NELL1: variants seen among roughly 807,000 people sequenced by gnomAD.
NELL1 encodes neural EGFL like 1.
Under a neutral mutation model 107.4 loss-of-function variants are expected in NELL1, and 76 were observed. The observed-to-expected ratio is 0.71, with a 90% CI of 0.59 to 0.86. NELL1 has a LOEUF of 0.86. Among genes scored for constraint, NELL1 ranks in the 40% least tolerant of loss-of-function variants. The pLI, the probability that NELL1 is intolerant of heterozygous loss-of-function variation, is 0.00. For synonymous variants in NELL1, 353 were observed against 341.2 expected, an observed-to-expected ratio of 1.03 and a Z score of -0.38; for missense variants, 1,024 against 1,005.5, an observed-to-expected ratio of 1.02 and a Z score of -0.25.
intron 13 of NELL1, among the ~76,000 whole-genome samples, chr11:21,143,237 T>C (rs1159785766): frequency 6.6e-6 from 1 of 152,228 alleles, no homozygotes; most frequent in Non-Finnish European, 1.5e-5. Flanking sequence ...CTAAACTGTG[T>C]GCAGCAGGAT....
intron 14 of NELL1, among the ~76,000 whole-genome samples, chr11:21,300,028 C>T (rs1362475256): frequency 6.6e-6 from 1 of 151,846 alleles, no homozygotes; most frequent in Non-Finnish European, 1.5e-5. Flanking sequence ...ACAATGATCA[C>T]GTAAACACAC....
intron 9 of NELL1, among the ~76,000 whole-genome samples, chr11:20,936,182 A>G (rs1590435341): frequency 6.6e-6 from 1 of 152,130 alleles, no homozygotes; most frequent in Non-Finnish European, 1.5e-5. Flanking sequence ...TGGAGCTGGA[A>G]TGGCCCTTCG....
At chr11:21,503,550 A>G (rs934757221) in intron 15 of NELL1, among the ~76,000 whole-genome samples, 25 of 152,154 alleles carry the variant, frequency 1.6e-4, no homozygotes, top group African/African-American at 6.0e-4. Flanking sequence ...GGTAATACTA[A>G]TCCTTCTTGG....
intron 16 of NELL1, among the ~76,000 whole-genome samples, chr11:21,543,053 G>C (rs969633114): frequency 2.0e-5 from 3 of 151,928 alleles, no homozygotes; most frequent in African/African-American, 7.2e-5. Flanking sequence ...CACCTTAGTG[G>C]ACCAGGGTAT....
intron 3 of NELL1, among the ~76,000 whole-genome samples, chr11:20,789,715 G>A (rs991546228): frequency 6.6e-6 from 1 of 152,224 alleles, no homozygotes; most frequent in African/African-American, 2.4e-5. Context: ...TTGAGCAATA[G>A]AACAGTTCAG....
At chr11:21,559,843 TA>T (rs1156973716) in intron 16 of NELL1, among the ~76,000 whole-genome samples, 4 of 152,124 alleles carry the variant, frequency 2.6e-5, no homozygotes, top group African/African-American at 9.6e-5. Context: ...AAGAATATCC[TA>T]AAAGAACTTG....
chr11:21,189,247 G>C (rs1037848362), intron 13 of NELL1, among the ~76,000 whole-genome samples: 14 of 151,774 alleles, frequency 9.2e-5, no homozygotes, highest in Non-Finnish European at 1.5e-4. Context: ...AAGAATGTTG[G>C]AATTAATGTA....
intron 2 of NELL1, among the ~76,000 whole-genome samples, chr11:20,741,185 T>C (rs989666306): frequency 6.7e-6 from 1 of 149,670 alleles, no homozygotes; most frequent in African/African-American, 2.5e-5. Flanking sequence ...AAAGTTCAAA[T>C]AGTAGCTTTC....
intron 3 of NELL1, among the ~76,000 whole-genome samples, chr11:20,830,505 T>A (rs1857986606): frequency 6.6e-6 from 1 of 151,662 alleles, no homozygotes; most frequent in African/African-American, 2.4e-5. Flanking sequence ...CCTGGCTAAT[T>A]TTTTGTATTT....
At chr11:21,070,101 C>G (rs1387982223) in intron 12 of NELL1, among the ~76,000 whole-genome samples, 1 of 151,998 alleles carries the variant, frequency 6.6e-6, no homozygotes, top group Non-Finnish European at 1.5e-5. Flanking sequence ...CCTCGACTAA[C>G]CTACTTACTG....
chr11:20,793,690 C>T (rs1462725676), intron 3 of NELL1, among the ~76,000 whole-genome samples: 1 of 152,048 alleles, frequency 6.6e-6, no homozygotes. Flanking sequence ...CTGTACTTTT[C>T]TATAGCTCTT....
rs200864974 is a variant in NELL1, at chr11:21,099,220, C to A, written c.1301-14369C>A. 7.0e-3 allele frequency among the ~76,000 whole-genome samples: 1,001 copies of A among 142,308 alleles called. 12 individuals carry two copies. The highest frequency in any genetic ancestry group is 0.026 in the African/African-American group (948 of 36,776). 93.4% of individuals were successfully genotyped at this position (142,308 alleles called of 152,430 possible). A position where few individuals can be genotyped will look rare whatever the true frequency, so the allele number is the denominator to read the frequency against. ...ACACACACACACACACACACACACA[C>A]ACACACACACACAAACACACACACA... On this transcript the variant is annotated intron_variant, in intron 12 of 19. Transcript: ENST00000357134.
chr11:21,242,857 A>G (rs751213504), intron 14 of NELL1, among the ~76,000 whole-genome samples: 5 of 152,164 alleles, frequency 3.3e-5, no homozygotes, highest in Non-Finnish European at 7.4e-5. Flanking sequence ...AAGGAACTCA[A>G]TCATTAAATA....
chr11:21,196,409 C>T (rs1857154037), intron 13 of NELL1, among the ~76,000 whole-genome samples: 1 of 152,122 alleles, frequency 6.6e-6, no homozygotes, highest in South Asian at 2.1e-4. Context: ...TCCACTTCTG[C>T]TTCCCAGGCC....
At chr11:20,983,229 A>G (rs1851784423) in intron 12 of NELL1, among the ~76,000 whole-genome samples, 1 of 152,138 alleles carries the variant, frequency 6.6e-6, no homozygotes, top group South Asian at 2.1e-4. Context: ...TTATTGTGAT[A>G]TGTCACTCTG....
chr11:20,695,849 G>T (rs966143977), intron 2 of NELL1, among the ~76,000 whole-genome samples: 2 of 152,018 alleles, frequency 1.3e-5, no homozygotes, highest in African/African-American at 4.8e-5. Context: ...AGTGGAATTG[G>T]TACCAGCTTT....
intron 15 of NELL1, among the ~76,000 whole-genome samples, chr11:21,533,511 C>T (rs56346773): frequency 0.17 from 25,127 of 152,080 alleles, 2,336 homozygotes; most frequent in African/African-American, 0.24. Flanking sequence ...GAACTGAACC[C>T]GGTTTAAAAA....
intron 14 of NELL1, among the ~76,000 whole-genome samples, chr11:21,271,705 C>T (rs887226101): frequency 2.6e-5 from 4 of 152,110 alleles, no homozygotes; most frequent in East Asian, 1.9e-4. Context: ...TTCTCATGAA[C>T]ATAGATGCAA....
At chr11:21,043,838 G>A (rs1285433983) in intron 12 of NELL1, among the ~76,000 whole-genome samples, 14 of 152,106 alleles carry the variant, frequency 9.2e-5, no homozygotes, top group Admixed American at 8.5e-4. Flanking sequence ...ATCACTCCAG[G>A]GTTTCTGGCT....
Sources: gnomAD v4.1 joint callset for allele counts (sites outside exome capture counted in the v4.1 genomes callset) on GRCh38, gnomAD v4.1.1 for gene constraint, MANE v1.5 for transcripts, NCBI Gene and HGNC (gene_info 2026-07-23, HGNC 2026-07-21) for gene names.